TRAPPC9: variants seen among roughly 807,000 people sequenced by gnomAD.
TRAPPC9 encodes the protein IKK2 binding protein.
Under a neutral mutation model 124.0 loss-of-function variants are expected in TRAPPC9, and 83 were observed. That is an observed-to-expected ratio of 0.67 (90% CI 0.56 to 0.80). The LOEUF (loss-of-function observed/expected upper bound fraction) is 0.80, where lower values mean the gene tolerates loss of function less well. Ranked by LOEUF, TRAPPC9 falls within the 30% of genes least tolerant of loss-of-function variation. The probability of loss-of-function intolerance (pLI) is 0.00; values close to 1 mark genes in which losing one functional copy is unlikely to be tolerated. For missense variants in TRAPPC9, 1,302 were observed against 1,508.3 expected, an observed-to-expected ratio of 0.86 and a Z score of 2.27; for synonymous variants, 638 against 617.5, an observed-to-expected ratio of 1.03 and a Z score of -0.49.
intron 7 of TRAPPC9, 52 bp downstream of exon 7, chr8:140,397,568 A>G (rs763647960): frequency 1.9e-5 from 30 of 1,610,156 alleles, no homozygotes; most frequent in Non-Finnish European, 2.2e-5. Context: ...TAGTGAATCA[A>G]TTCCGTAAGA....
intron 21 of TRAPPC9, among the ~76,000 whole-genome samples, chr8:139,867,535 A>G (rs1274539462): frequency 1.3e-5 from 2 of 152,238 alleles, no homozygotes; most frequent in African/African-American, 2.4e-5. Context: ...GTAGCTTTAC[A>G]GTAGAGGGAA....
intron 21 of TRAPPC9, among the ~76,000 whole-genome samples, chr8:139,786,421 G>A (rs1822254806): frequency 6.6e-6 from 1 of 152,090 alleles, no homozygotes; most frequent in Non-Finnish European, 1.5e-5. Flanking sequence ...AGTGCGGTGG[G>A]GAGGCGGAGG....
At chr8:140,272,027 A>C (rs552142411) in intron 15 of TRAPPC9, among the ~76,000 whole-genome samples, 16 of 144,266 alleles carry the variant, frequency 1.1e-4, no homozygotes, top group African/African-American at 3.9e-4. Flanking sequence ...TGATGGTGGC[A>C]GTGGTAATGG....
intron 18 of TRAPPC9, among the ~76,000 whole-genome samples, chr8:139,992,873 C>A (rs1409220080): frequency 2.0e-5 from 3 of 151,728 alleles, no homozygotes; most frequent in Admixed American, 6.6e-5. Flanking sequence ...AAATTAGATC[C>A]CTACCTCACA....
intron 17 of TRAPPC9, among the ~76,000 whole-genome samples, chr8:140,150,609 G>C (rs1258396106): frequency 6.6e-6 from 1 of 152,226 alleles, no homozygotes; most frequent in Non-Finnish European, 1.5e-5. Context: ...GCAGGCAGGA[G>C]CTGGAACCAG....
chr8:139,795,951 T>C (rs1379408380), intron 21 of TRAPPC9, among the ~76,000 whole-genome samples: 3 of 152,022 alleles, frequency 2.0e-5, no homozygotes, highest in Non-Finnish European at 4.4e-5. Context: ...CTCAAATTGC[T>C]GTCTTTAAGA....
intron 17 of TRAPPC9, among the ~76,000 whole-genome samples, chr8:140,078,238 A>G (rs1385316456): frequency 3.3e-5 from 5 of 152,250 alleles, no homozygotes. Context: ...AGAACATTTC[A>G]TTTTAACAAA....
chr8:139,838,661 C>CG (rs145260856), intron 21 of TRAPPC9, among the ~76,000 whole-genome samples: 15,061 of 152,110 alleles, frequency 0.099, 804 homozygotes, highest in Middle Eastern at 0.11. Context: ...GCTGTGATGA[C>CG]GGGTGGGTGG....
chr8:140,273,835 G>T (rs1162335299), intron 15 of TRAPPC9, among the ~76,000 whole-genome samples: 1 of 152,164 alleles, frequency 6.6e-6, no homozygotes, highest in East Asian at 1.9e-4. Flanking sequence ...TGATTTCCTT[G>T]TTTCACAGGG....
intron 18 of TRAPPC9, among the ~76,000 whole-genome samples, chr8:140,011,670 ATTTTTTTTTT>A (rs56884853): frequency 6.2e-4 from 39 of 62,650 alleles, no homozygotes; most frequent in African/African-American, 2.1e-3. Context: ...CACCCAGCTA[ATTTTTTTTTT>A]TTTTTTTTTT....
intron 19 of TRAPPC9, among the ~76,000 whole-genome samples, chr8:139,912,493 C>T (rs577767253): frequency 5.3e-5 from 8 of 152,314 alleles, no homozygotes; most frequent in Admixed American, 1.3e-4. Context: ...CCTGCACTTA[C>T]GACTGACTCT....
chr8:140,289,900 T>A (rs2065599177), intron 12 of TRAPPC9, among the ~76,000 whole-genome samples: 1 of 152,188 alleles, frequency 6.6e-6, no homozygotes, highest in South Asian at 2.1e-4. Context: ...CCAGCTGAGC[T>A]TCCAGGAGCT....
intron 17 of TRAPPC9, among the ~76,000 whole-genome samples, chr8:140,148,065 A>G (rs2061488666): frequency 1.3e-5 from 2 of 152,316 alleles, no homozygotes; most frequent in South Asian, 4.1e-4. Context: ...GACACACCCT[A>G]GCCTCCTGGA....
At chr8:140,261,698 C>T (rs920628444) in intron 15 of TRAPPC9, among the ~76,000 whole-genome samples, 11 of 152,172 alleles carry the variant, frequency 7.2e-5, no homozygotes, top group African/African-American at 2.7e-4. Context: ...ACTATTCTTG[C>T]CTGTTGGGAT....
chr8:139,892,174 C>A (rs987037476), intron 20 of TRAPPC9, among the ~76,000 whole-genome samples: 1 of 152,256 alleles, frequency 6.6e-6, no homozygotes, highest in East Asian at 1.9e-4. Context: ...GGGCCCCGCT[C>A]CTTCCTGGCC....
At chr8:139,974,159 G>C (rs1284115567) in intron 19 of TRAPPC9, among the ~76,000 whole-genome samples, 2 of 152,184 alleles carry the variant, frequency 1.3e-5, no homozygotes, top group Non-Finnish European at 2.9e-5. Context: ...AAGATGGATG[G>C]GGAATCTGAG....
intron 21 of TRAPPC9, among the ~76,000 whole-genome samples, chr8:139,856,838 C>T (rs1197063334): frequency 6.6e-6 from 1 of 151,764 alleles, no homozygotes; most frequent in Non-Finnish European, 1.5e-5. Context: ...TTCATTCAAA[C>T]ATTCATCTAC....
chr8:140,431,136 T>C (rs1435798772), intron 4 of TRAPPC9, among the ~76,000 whole-genome samples: 1 of 152,106 alleles, frequency 6.6e-6, no homozygotes, highest in Non-Finnish European at 1.5e-5. Context: ...TCTCTAAACC[T>C]GCAGCTAAAT....
chr8:140,219,881 A>G (rs2063295616), intron 17 of TRAPPC9, among the ~76,000 whole-genome samples: 1 of 152,208 alleles, frequency 6.6e-6, no homozygotes, highest in Non-Finnish European at 1.5e-5. Context: ...CAGACGAAAG[A>G]AACAGCCCTG....
Sources: allele counts gnomAD v4.1 joint callset (sites outside exome capture counted in the v4.1 genomes callset), GRCh38; gene constraint gnomAD v4.1.1; transcripts MANE v1.5; gene names NCBI Gene and HGNC (gene_info 2026-07-23, HGNC 2026-07-21).